The following ASAP1 variants were observed in gnomAD, a reference collection of about 807,000 sequenced individuals.
ASAP1 encodes arf-GAP with SH3 domain, ANK repeat and PH domain-containing protein 1.
A neutral mutation model predicts 145.2 loss-of-function variants in ASAP1; 43 were observed. The observed-to-expected ratio is 0.30, with a 90% CI of 0.23 to 0.38. The LOEUF (loss-of-function observed/expected upper bound fraction) is 0.38, where lower values mean the gene tolerates loss of function less well. ASAP1 is among the 10% of genes least tolerant of loss of function. The pLI is 1.00. For missense variants in ASAP1, 1,018 were observed against 1,355.3 expected (o/e 0.75, Z 3.91); for synonymous variants, 546 against 515.5 (o/e 1.06, Z -0.80).
chr8:130,134,653 A>C (rs1293574159), intron 14 of ASAP1, among the ~76,000 whole-genome samples: 1 of 152,198 alleles, frequency 6.6e-6, no homozygotes, highest in Non-Finnish European at 1.5e-5. Context: ...CTTAAGTGCA[A>C]CAAGAATACA....
Position 130,358,172 on chromosome 8 carries a change from G to T in ASAP1, c.60-29C>A. 6.3e-7 allele frequency: 1 copy of T among 1,581,444 alleles called. No individual in the cohort carries two copies. Among genetic ancestry groups the T allele is most frequent in the Non-Finnish European group, 8.6e-7 (1 of 1,165,692 alleles). On this transcript the variant is annotated intron_variant, in intron 2 of 29. Transcript: ENST00000518721. This position sits in a 1 kb window ranked among gnomAD's most constrained non-coding sequence, Gnocchi z 4.1. ...CCGGGAGGGACGAGACACAAGCGGG[G>T]GCGGGGGGTGAGTCACGGCGCAGGC... is the stretch of plus-strand genomic sequence containing the variant.
In ASAP1 at chr8:130,256,882, C is replaced by A. The variant is rs939854759; in HGVS notation, c.187-19888G>T. Among the ~76,000 whole-genome samples, 7 of 148,128 alleles carry A rather than the reference C, an allele frequency of 4.7e-5. No individual in the cohort carries two copies. The South Asian group carries it at 1.5e-3, about 31-fold the overall frequency. ...TCCTTTGAAAGTTTTATTTAATATACCGCTGGGAGTAAAATTAAAGGGATA... is the reference window on the plus strand; with the variant it reads ...TCCTTTGAAAGTTTTATTTAATATAACGCTGGGAGTAAAATTAAAGGGATA... On this transcript the variant is annotated intron_variant, in intron 3 of 29. Transcript: ENST00000518721.
Position 130,129,169 on chromosome 8 carries a change from T to C in ASAP1, c.1218-1079A>G, listed in dbSNP as rs181705426. ...ATGTTTGCTGCCCTTCCACCATAAT[T>C]GTAAGTCTCCTGAGGCCTCCCCAGC... On this transcript the variant is annotated intron_variant, in intron 15 of 29. Transcript: ENST00000518721. 2.0e-3 allele frequency among the ~76,000 whole-genome samples: 310 copies of C among 152,348 alleles called. 1 individual carries two copies. Among genetic ancestry groups the C allele is most frequent in the Middle Eastern group, 0.01 (3 of 294 alleles).
At chr8:130,419,924 T>C (rs2138697365) in intron 1 of ASAP1, among the ~76,000 whole-genome samples, 1 of 151,696 alleles carries the variant, frequency 6.6e-6, no homozygotes, top group Non-Finnish European at 1.5e-5. Flanking sequence ...CCCTGGAGCT[T>C]CCCTACATCT....
At chr8:130,359,584 CACCCCCGGG>C (rs1333319462) in intron 2 of ASAP1, among the ~76,000 whole-genome samples, 1 of 151,750 alleles carries the variant, frequency 6.6e-6, no homozygotes, top group Non-Finnish European at 1.5e-5. Context: ...CCCTACCCCT[CACCCCCGGG>C]ATTGGGCTTC....
At chr8:130,178,913 T>C (rs1226033883) in intron 9 of ASAP1, among the ~76,000 whole-genome samples, 1 of 146,742 alleles carries the variant, frequency 6.8e-6, no homozygotes. Flanking sequence ...AAAGGCAAAA[T>C]GCCAAGTAAG....
intron 9 of ASAP1, among the ~76,000 whole-genome samples, chr8:130,171,460 T>A (rs952506736): frequency 4.6e-5 from 7 of 152,020 alleles, no homozygotes; most frequent in African/African-American, 1.7e-4. Flanking sequence ...GCAGGAGAAA[T>A]GCTAGACACT....
chr8:130,240,180 T>C (rs1818439287), intron 3 of ASAP1, among the ~76,000 whole-genome samples: 1 of 152,108 alleles, frequency 6.6e-6, no homozygotes, highest in Non-Finnish European at 1.5e-5. Flanking sequence ...TCTCAGAATT[T>C]CTGTTCAATG....
At chr8:130,237,902 C>T (rs16904225) in intron 3 of ASAP1, among the ~76,000 whole-genome samples, 3,070 of 152,090 alleles carry the variant, frequency 0.02, 99 homozygotes, top group African/African-American at 0.069. Context: ...TGCTTGGGAA[C>T]CCCTAGATGA....
chr8:130,314,468 T>G (rs1274556394), intron 3 of ASAP1, among the ~76,000 whole-genome samples: 1 of 152,168 alleles, frequency 6.6e-6, no homozygotes, highest in Admixed American at 6.5e-5. Context: ...AGGTAACAAA[T>G]TGTCCAAAAA....
intron 5 of ASAP1, among the ~76,000 whole-genome samples, chr8:130,205,382 GAAAAAAA>G (rs771590453): frequency 1.8e-5 from 1 of 57,056 alleles, no homozygotes; most frequent in Non-Finnish European, 3.8e-5. Context: ...ATCCTTATAA[GAAAAAAA>G]AAAAAAAAAA....
chr8:130,080,009 G>A (rs781750725), intron 25 of ASAP1, 38 bp from the exon 26 acceptor site: 2 of 1,563,450 alleles, frequency 1.3e-6, no homozygotes, highest in Non-Finnish European at 1.8e-6. Flanking sequence ...TATGTCTTTA[G>A]ATGGGGAAAT....
intron 3 of ASAP1, among the ~76,000 whole-genome samples, chr8:130,344,497 T>C (rs1034940077): frequency 3.3e-5 from 5 of 152,214 alleles, no homozygotes; most frequent in Admixed American, 1.3e-4. Context: ...AAAAAAAGAT[T>C]GGCCAAAAGC....
intron 13 of ASAP1, among the ~76,000 whole-genome samples, chr8:130,149,409 C>T (rs1478933285): frequency 1.3e-5 from 2 of 151,882 alleles, no homozygotes; most frequent in African/African-American, 2.4e-5. Flanking sequence ...TGAATGAAAT[C>T]TTCTAAGGAT....
At chr8:130,106,872 T>A (rs2097537641) in intron 24 of ASAP1, among the ~76,000 whole-genome samples, 2 of 152,242 alleles carry the variant, frequency 1.3e-5, no homozygotes. Flanking sequence ...CATTATACTG[T>A]GTCCTCTTTC....
intron 1 of ASAP1, among the ~76,000 whole-genome samples, chr8:130,420,395 T>A (rs562115734): frequency 7.0e-4 from 106 of 152,226 alleles, no homozygotes; most frequent in African/African-American, 2.5e-3. Context: ...GGTTATCAGA[T>A]GACCCAGCAC....
rs2097682536 is a variant in ASAP1 at position 130,167,581 on chromosome 8, T to C, written c.864A>G (p.Ala288=). 6.2e-7 allele frequency: 1 copy of C among 1,613,500 alleles called. No individual in the cohort carries two copies. Among genetic ancestry groups the C allele is most frequent in the African/African-American group, 1.3e-5 (1 of 74,906 alleles). ...GAGAGGATTTTATTAAGTCTCGGAG[T>C]GCAGTTAGCTGTTTCTTTTCTTCAT... ...TQDEEKKQLT[A]LRDLIKSSLQ... The change falls in exon 11 of 30, where the codon GCA becomes GCG. Residue 288 remains alanine, a synonymous_variant. Transcript: ENST00000518721.
At chr8:130,168,184 CTTTA>C (rs975180554) in intron 10 of ASAP1, among the ~76,000 whole-genome samples, 2 of 152,040 alleles carry the variant, frequency 1.3e-5, no homozygotes, top group African/African-American at 4.8e-5. Flanking sequence ...AATTATAAAA[CTTTA>C]TTTGAGGATA....
At chr8:130,417,200 ACACAGAAAACAACCCACG>A (rs1161960099) in intron 1 of ASAP1, among the ~76,000 whole-genome samples, 73 of 152,192 alleles carry the variant, frequency 4.8e-4, no homozygotes, top group Admixed American at 3.7e-3. Context: ...AACTGCACAC[ACACAGAAAACAACCCACG>A]TACAACTGCA....
Sources: gnomAD v4.1 joint callset for allele counts (sites outside exome capture counted in the v4.1 genomes callset) on GRCh38, gnomAD v4.1.1 for gene constraint, Gnocchi (gnomAD v3.1) non-coding constraint, MANE v1.5 for transcripts, NCBI Gene and HGNC (gene_info 2026-07-23, HGNC 2026-07-21) for gene names.